Variants in PMAIP1 observed in about 807,000 individuals in gnomAD.
PMAIP1 encodes the protein phorbol-12-myristate-13-acetate-induced protein 1, also known as PMA-induced protein 1.
In PMAIP1, 3 loss-of-function variants were observed where a neutral mutation model predicts 3.7. That is an observed-to-expected ratio of 0.82 (90% confidence interval 0.37 to 2.12). PMAIP1 has a LOEUF of 2.12. Among genes scored for constraint, PMAIP1 ranks in the 30% most tolerant of loss-of-function variants. The probability of loss-of-function intolerance (pLI) is 0.06; values close to 1 mark genes in which losing one functional copy is unlikely to be tolerated. For synonymous variants in PMAIP1, 29 were observed against 26.2 expected, an observed-to-expected ratio of 1.11 and a Z score of -0.32; for missense variants, 77 against 67.1, an observed-to-expected ratio of 1.15 and a Z score of -0.52.
rs1264451771 is a variant in PMAIP1 at position 59,900,056 on chromosome 18, C to A, written c.-122C>A. ...TCTCCGCGCGTCCGGACACCCGATC[C>A]CAGCATCCCTGCCTGCAGGACTGTT... On this transcript the variant is annotated 5_prime_UTR_variant, in exon 1 of 2. Transcript: ENST00000316660. 4 of 1,060,910 alleles carry A rather than the reference C, an allele frequency of 3.8e-6. No homozygotes were observed. In the African/African-American group the frequency reaches 6.6e-5, roughly 18 times the overall value. 65.7% of individuals were successfully genotyped at this position (1,060,910 alleles called of 1,614,324 possible). A position where few individuals can be genotyped will look rare whatever the true frequency, so the allele number is the denominator to read the frequency against.
chr18:59,901,636 G>A (rs980286111), intron 1 of PMAIP1, among the ~76,000 whole-genome samples: 6 of 152,088 alleles, frequency 3.9e-5, no homozygotes, highest in Admixed American at 2.0e-4. Flanking sequence ...CCTAAATACG[G>A]TATTTTCAGG....
At chr18:59,900,855 C>T in intron 1 of PMAIP1, 1 of 404,336 alleles carries the variant, frequency 2.5e-6, no homozygotes, top group Non-Finnish European at 4.5e-6. Context: ...AGCGCCCCGG[C>T]CCCATGCTTT....
chr18:59,902,069 A>T (rs1024100201), intron 1 of PMAIP1, among the ~76,000 whole-genome samples: 1 of 152,256 alleles, frequency 6.6e-6, no homozygotes, highest in Non-Finnish European at 1.5e-5. Context: ...TGAGTCTTTT[A>T]TGAAAAAATA....
chr18:59,902,696 G>A lies in PMAIP1; in HGVS notation c.108G>A (p.Leu36=). Residue 36 remains leucine (L), a synonymous_variant, in exon 2 of 2, where the codon CTG becomes CTA. Transcript: ENST00000316660. ...AACTCAGGAGATTTGGAGACAAACTGAACTTCCGGCAGAAACTTCTGAATC... is the reference window on the plus strand; with the variant it reads ...AACTCAGGAGATTTGGAGACAAACTAAACTTCCGGCAGAAACTTCTGAATC... The part of the protein sequence containing the change: ...ATQLRRFGDK[L]NFRQKLLNLI... 6.2e-7 allele frequency: 1 copy of A among 1,614,176 alleles called. No homozygotes were observed. The highest frequency in any genetic ancestry group is 8.5e-7 in the Non-Finnish European group (1 of 1,180,024).
chr18:59,900,428 G>T (rs2055754265), intron 1 of PMAIP1, 193 bp downstream of exon 1: 1 of 1,545,356 alleles, frequency 6.5e-7, no homozygotes, highest in Non-Finnish European at 8.7e-7. Context: ...TTTTCCCCAG[G>T]ACCGGCGGGT....
At position 59,903,055 on chromosome 18, in the gene PMAIP1, C is replaced by A. The variant is rs7240965; in HGVS notation, c.*302C>A. The A allele has an allele frequency of 5.1e-6, 3 of 588,650 alleles. No homozygotes were observed. Among genetic ancestry groups the A allele is most frequent in the Non-Finnish European group, 9.0e-6 (3 of 333,066 alleles). 36.5% of individuals were successfully genotyped at this position (588,650 alleles called of 1,614,324 possible). A position where few individuals can be genotyped will look rare whatever the true frequency, so the allele number is the denominator to read the frequency against. ...CACATTTCTTTTTTACTTAGAGAAT[C>A]GTTCTAGTGTTTTTGCCGAAGATTA... On this transcript the variant is annotated 3_prime_UTR_variant, in exon 2 of 2. Coordinates refer to ENST00000316660, the MANE Select transcript of PMAIP1 (RefSeq NM_021127.3).
intron 1 of PMAIP1, 90 bp from the exon 2 acceptor site, chr18:59,902,557 A>G (rs769709409): frequency 4.4e-5 from 48 of 1,092,114 alleles, no homozygotes; most frequent in East Asian, 1.7e-4. Flanking sequence ...GGGATACTCA[A>G]TTTGTCACTA....
rs149001141 is a variant in PMAIP1 at position 59,903,216 on chromosome 18, G to A, written c.*463G>A. ...CAACTCAGCACATTGTATATGATTC[G>A]GTTTATACATATTACCTTGTTATAA... On this transcript the variant is annotated 3_prime_UTR_variant, in exon 2 of 2. Transcript: ENST00000316660. 1.4e-3 allele frequency: 338 copies of A among 249,164 alleles called. No homozygotes were observed. Among genetic ancestry groups the A allele is most frequent in the African/African-American group, 7.3e-3 (325 of 44,790 alleles). The allele number at this position is 249,164 out of a possible 1,614,324, so 15.4% of individuals were successfully genotyped here.
At chr18:59,901,169 C>T (rs551649475) in intron 1 of PMAIP1, among the ~76,000 whole-genome samples, 15 of 152,242 alleles carry the variant, frequency 9.9e-5, no homozygotes, top group Admixed American at 5.9e-4. Context: ...ACTTTCTGGT[C>T]CGACTTAATT....
rs2055793880 is a variant in PMAIP1 at position 59,904,143 on chromosome 18, C to T, written c.*1390C>T. 6.6e-6 allele frequency: 1 copy of T among 151,554 alleles called. No individual in the cohort carries two copies. 9.4% of individuals were successfully genotyped at this position (151,554 alleles called of 1,614,324 possible). ...AAAATTACCTCACATCTGTTTTCTTCAGTATTACTTAAGATTGTTTATTTA... is the reference window on the plus strand; with the variant it reads ...AAAATTACCTCACATCTGTTTTCTTTAGTATTACTTAAGATTGTTTATTTA... On this transcript the variant is annotated 3_prime_UTR_variant, in exon 2 of 2. Transcript: ENST00000316660.
In PMAIP1 at chr18:59,900,229, C is replaced by T. The variant is rs367622391; in HGVS notation, c.52C>T (p.Pro18Ser). ...CGCTCAACCGAGCCCCGCGCGGGCT[C>T]CAGCAGGTACCGACCCGCTGGGGCC... is the stretch of plus-strand genomic sequence containing the variant. ...KNAQPSPARA[P>S]AELEVECATQ... Residue 18 changes from proline to serine, a missense_variant, in exon 1 of 2, where the codon CCA becomes TCA. By Grantham distance (74) the Pro-to-Ser change is moderately conservative (BLOSUM62 -1). Coordinates refer to ENST00000316660, the MANE Select transcript of PMAIP1 (RefSeq NM_021127.3). The T allele has an allele frequency of 1.4e-5, 22 of 1,549,206 alleles. No individual in the cohort carries two copies. The highest frequency in any genetic ancestry group is 9.5e-5 in the South Asian group (8 of 84,476).
chr18:59,900,317 G>C, intron 1 of PMAIP1, 82 bp downstream of exon 1: 2 of 1,510,660 alleles, frequency 1.3e-6, no homozygotes, highest in Non-Finnish European at 1.8e-6. Flanking sequence ...GGCGGGCTCA[G>C]CTCGCCGGGG....
In PMAIP1 at chr18:59,900,082, C is replaced by T; in HGVS notation, c.-96C>T. 7.4e-7 allele frequency: 1 copy of T among 1,343,956 alleles called. No individual in the cohort carries two copies. The highest frequency in any genetic ancestry group is 1.4e-5 in the African/African-American group (1 of 69,116). 83.3% of individuals were successfully genotyped at this position (1,343,956 alleles called of 1,614,324 possible). A position where few individuals can be genotyped will look rare whatever the true frequency, so the allele number is the denominator to read the frequency against. Reference sequence around the variant, plus strand: ...CAGCATCCCTGCCTGCAGGACTGTTCGTGTTCAGCTCGCGTCCTGCAGCTG... The same window carrying T: ...CAGCATCCCTGCCTGCAGGACTGTTTGTGTTCAGCTCGCGTCCTGCAGCTG... On this transcript the variant is annotated 5_prime_UTR_variant, in exon 1 of 2. Coordinates refer to ENST00000316660, the MANE Select transcript of PMAIP1 (RefSeq NM_021127.3).
chr18:59,900,091 C>A lies in PMAIP1; in HGVS notation c.-87C>A. The A allele has an allele frequency of 7.0e-7, 1 of 1,423,208 alleles. No individual in the cohort carries two copies. Among genetic ancestry groups the A allele is most frequent in the Non-Finnish European group, 9.5e-7 (1 of 1,048,374 alleles). The allele number at this position is 1,423,208 out of a possible 1,614,324, so 88.2% of individuals were successfully genotyped here. ...TGCCTGCAGGACTGTTCGTGTTCAG[C>A]TCGCGTCCTGCAGCTGTCCGAGGTG... On this transcript the variant is annotated 5_prime_UTR_variant, in exon 1 of 2. Coordinates refer to ENST00000316660, the MANE Select transcript of PMAIP1 (RefSeq NM_021127.3).
Position 59,900,090 on chromosome 18 carries a change from G to A in PMAIP1, c.-88G>A, listed in dbSNP as rs2055746931. On this transcript the variant is annotated 5_prime_UTR_variant, in exon 1 of 2. Coordinates refer to ENST00000316660, the MANE Select transcript of PMAIP1 (RefSeq NM_021127.3). ...CTGCCTGCAGGACTGTTCGTGTTCAGCTCGCGTCCTGCAGCTGTCCGAGGT... is the reference window on the plus strand; with the variant it reads ...CTGCCTGCAGGACTGTTCGTGTTCAACTCGCGTCCTGCAGCTGTCCGAGGT... The A allele has an allele frequency of 2.8e-6, 4 of 1,415,622 alleles. No homozygotes were observed. The highest frequency in any genetic ancestry group is 3.8e-6 in the Non-Finnish European group (4 of 1,041,530). 87.7% of individuals were successfully genotyped at this position (1,415,622 alleles called of 1,614,324 possible). A position where few individuals can be genotyped will look rare whatever the true frequency, so the allele number is the denominator to read the frequency against.
rs2055751339 is a variant in PMAIP1 at position 59,900,286 on chromosome 18, C to T, written c.58+51C>T. On this transcript the variant is annotated intron_variant, in intron 1 of 1. Transcript: ENST00000316660. ...GACCCAGGCCGGGCGGGGTCGGGGCCGGGGTCGAGGTCTCGGCTGGGGCGG... is the reference window on the plus strand; with the variant it reads ...GACCCAGGCCGGGCGGGGTCGGGGCTGGGGTCGAGGTCTCGGCTGGGGCGG... 2.6e-6 allele frequency: 4 copies of T among 1,528,796 alleles called. No individual in the cohort carries two copies. The African/African-American group carries it at 5.5e-5, about 21-fold the overall frequency. 94.7% of individuals were successfully genotyped at this position (1,528,796 alleles called of 1,614,324 possible).
intron 1 of PMAIP1, among the ~76,000 whole-genome samples, chr18:59,902,134 G>A (rs1599209775): frequency 6.6e-6 from 1 of 152,212 alleles, no homozygotes; most frequent in Non-Finnish European, 1.5e-5. Flanking sequence ...TATAATGAGA[G>A]TATAACCTAA....
chr18:59,900,580 T>C, intron 1 of PMAIP1: 1 of 1,550,292 alleles, frequency 6.5e-7, no homozygotes. Context: ...AGTGCAAGTG[T>C]AGGCGGCTGT....
intron 1 of PMAIP1, chr18:59,900,667 A>G: frequency 1.4e-6 from 2 of 1,415,106 alleles, no homozygotes; most frequent in South Asian, 1.3e-5. Context: ...CAGCGCTTCC[A>G]GAGACGGCCC....
Sources: gnomAD v4.1 joint callset for allele counts (sites outside exome capture counted in the v4.1 genomes callset) on GRCh38, gnomAD v4.1.1 for gene constraint, MANE v1.5 for transcripts, NCBI Gene and HGNC (gene_info 2026-07-23, HGNC 2026-07-21) for gene names.